Variants in L3MBTL1 observed in about 807,000 individuals in gnomAD.
L3MBTL1 encodes the protein lethal(3)malignant brain tumor-like protein 1.
L3MBTL1 carries 75 observed loss-of-function variants against 105.3 expected under a neutral mutation model. That is an observed-to-expected ratio of 0.71 (90% CI 0.59 to 0.86). The LOEUF (loss-of-function observed/expected upper bound fraction) is 0.86, where lower values mean the gene tolerates loss of function less well. L3MBTL1 is among the 40% of genes least tolerant of loss of function. L3MBTL1 has a pLI of 0.00. For missense variants in L3MBTL1, 1,069 were observed against 1,126.4 expected (o/e 0.95, Z 0.73); for synonymous variants, 452 against 436.2 (o/e 1.04, Z -0.45).
chr20:43,540,184 T>TC lies in L3MBTL1; in HGVS notation c.2208dup (p.Met737HisfsTer9). ...CCCGATGTCGTGCACCAGTCCCTCT[T>TC]CATGTCAGCCCTGTCGGCCCACCCT... On this transcript the variant is annotated frameshift_variant, in exon 20 of 22. Coordinates refer to ENST00000418998, the MANE Select transcript of L3MBTL1 (RefSeq NM_001377303.1). LOFTEE classifies it high-confidence loss of function. 1 of 1,613,312 alleles carries TC rather than the reference T, an allele frequency of 6.2e-7. No individual in the cohort carries two copies. The highest frequency in any genetic ancestry group is 8.5e-7 in the Non-Finnish European group (1 of 1,180,018).
At chr20:43,534,190 C>A in intron 14 of L3MBTL1, 94 bp from the exon 15 acceptor site, 1 of 1,514,746 alleles carries the variant, frequency 6.6e-7, no homozygotes. Flanking sequence ...TTGGGCAGGC[C>A]CCAGTTTCCC....
intron 1 of L3MBTL1, among the ~76,000 whole-genome samples, chr20:43,511,503 C>T (rs1402007834): frequency 3.3e-5 from 5 of 152,020 alleles, no homozygotes; most frequent in African/African-American, 7.2e-5. Flanking sequence ...TTGGTCAGGC[C>T]GGACTCGATG....
At chr20:43,514,817 C>T (rs78935921) in intron 4 of L3MBTL1, 41 bp downstream of exon 4, 49,983 of 1,506,070 alleles carry the variant, frequency 0.033, 981 homozygotes, top group African/African-American at 0.077. Flanking sequence ...GGGCCCTGTG[C>T]GGGTGGGGCG....
intron 7 of L3MBTL1, among the ~76,000 whole-genome samples, chr20:43,517,642 T>C (rs1181133736): frequency 6.6e-6 from 1 of 152,210 alleles, no homozygotes; most frequent in African/African-American, 2.4e-5. Context: ...TCTCAATCAG[T>C]GTTTGTTCAG....
In L3MBTL1 at chr20:43,515,256, C is replaced by T. The variant is rs560016568; in HGVS notation, c.654-36C>T. On this transcript the variant is annotated intron_variant, in intron 5 of 21. Coordinates refer to ENST00000418998, the MANE Select transcript of L3MBTL1 (RefSeq NM_001377303.1). ...AGGAGAGGGGCTGGGTGGTGCAGGG[C>T]GGGTGGTTCTTTCCCTAAGGCTGGC... 39 of 1,611,668 alleles carry T rather than the reference C, an allele frequency of 2.4e-5. No homozygotes were observed. The South Asian group carries it at 3.3e-4, about 14-fold the overall frequency.
chr20:43,539,970 T>A (rs1430969759), intron 19 of L3MBTL1, 181 bp from the exon 20 acceptor site: 10 of 685,374 alleles, frequency 1.5e-5, no homozygotes, highest in Non-Finnish European at 2.3e-5. Context: ...CCAGCAGGAG[T>A]GAACACTGTG....
chr20:43,513,674 G>A (rs1202240203), intron 2 of L3MBTL1, 35 bp downstream of exon 2: 2 of 1,550,402 alleles, frequency 1.3e-6, no homozygotes, highest in Non-Finnish European at 1.7e-6. Context: ...TGGGAAGGAA[G>A]AGCATCTCTG....
At chr20:43,532,731 C>T in intron 11 of L3MBTL1, 42 bp from the exon 12 acceptor site, 2 of 1,612,242 alleles carry the variant, frequency 1.2e-6, no homozygotes, top group African/African-American at 1.3e-5. Flanking sequence ...CTGGTCTTAG[C>T]CAGCTTGGCC....
At chr20:43,523,586 C>T (rs578146953) in intron 7 of L3MBTL1, 2 of 236,694 alleles carry the variant, frequency 8.4e-6, no homozygotes, top group East Asian at 1.0e-4. Flanking sequence ...TCTCTTCTCA[C>T]CCTGTCCTGT....
chr20:43,534,079 T>C lies in L3MBTL1; in HGVS notation c.1585T>C (p.Trp529Arg). 1 of 1,613,828 alleles carries C rather than the reference T, an allele frequency of 6.2e-7. No homozygotes were observed. ...EETGASAVPT[W>R]AFKVRPPHSF... is the part of the protein sequence containing the mutation. The stretch of plus-strand genomic sequence containing the variant: ...AACTGGGGCCTCTGCTGTCCCCACC[T>C]GGGCCTTCAAGGTGGTGAGTCAGTG... Residue 529 changes from tryptophan to arginine, a missense_variant, in exon 14 of 22, where the codon TGG (tryptophan) becomes CGG (arginine). Physicochemically the swap from Trp to Arg is moderately radical, Grantham distance 101 (BLOSUM62 -3). Coordinates refer to ENST00000418998, the MANE Select transcript of L3MBTL1 (RefSeq NM_001377303.1).
Position 43,532,838 on chromosome 20 carries a change from C to G in L3MBTL1, c.1350C>G (p.Ser450=), listed in dbSNP as rs1217781442. Residue 450 remains serine, a synonymous_variant, in exon 12 of 22, where the codon TCC becomes TCG. Transcript: ENST00000418998. ...KLEAVDRMNP[S]LVCVASVTDV... ...AGGCTGTTGACCGCATGAACCCGTC[C>G]CTTGTCTGCGTGGCCAGTGTGACCG... The G allele has an allele frequency of 1.2e-6, 2 of 1,614,096 alleles. No individual in the cohort carries two copies. Among genetic ancestry groups the G allele is most frequent in the African/African-American group, 1.3e-5 (1 of 74,932 alleles).
chr20:43,531,063 T>C, intron 11 of L3MBTL1, 174 bp downstream of exon 11: 1 of 601,358 alleles, frequency 1.7e-6, no homozygotes, highest in Non-Finnish European at 2.9e-6. Context: ...GGGCCAGAGA[T>C]GGGAAGCTGG....
At chr20:43,537,897 C>T (rs1018473026) in intron 19 of L3MBTL1, among the ~76,000 whole-genome samples, 1 of 152,162 alleles carries the variant, frequency 6.6e-6, no homozygotes, top group Non-Finnish European at 1.5e-5. Flanking sequence ...GCTGAGAGAT[C>T]TTGGGTGGGT....
At chr20:43,532,685 G>A in intron 11 of L3MBTL1, 88 bp from the exon 12 acceptor site, 2 of 1,411,602 alleles carry the variant, frequency 1.4e-6, no homozygotes, top group Non-Finnish European at 2.0e-6. Context: ...GGCTTTCCTA[G>A]AGAACCTATT....
rs575383113 is a variant in L3MBTL1 at position 43,514,922 on chromosome 20, G to A, written c.503-87G>A. ...CCATCCGATGCGGAGATGGACCGAG[G>A]CGGAGGCAGGGCCTGAGGGGGCGTG... On this transcript the variant is annotated intron_variant, in intron 4 of 21. Coordinates refer to ENST00000418998, the MANE Select transcript of L3MBTL1 (RefSeq NM_001377303.1). The A allele has an allele frequency of 3.1e-5, 47 of 1,520,824 alleles. No homozygotes were observed. The East Asian group carries it at 8.6e-4, about 28-fold the overall frequency. 94.2% of individuals were successfully genotyped at this position (1,520,824 alleles called of 1,614,324 possible).
intron 7 of L3MBTL1, among the ~76,000 whole-genome samples, chr20:43,519,408 G>A (rs946386294): frequency 7.2e-5 from 11 of 151,742 alleles, no homozygotes; most frequent in Admixed American, 3.9e-4. Flanking sequence ...AGGCCGAAGC[G>A]GGCAGATCAC....
rs375346108 is a variant in L3MBTL1 at position 43,528,623 on chromosome 20, C to G, written c.863-34C>G. 3.3e-5 allele frequency: 50 copies of G among 1,531,612 alleles called. No individual in the cohort carries two copies. The Admixed American group carries it at 6.3e-4, about 19-fold the overall frequency. 94.9% of individuals were successfully genotyped at this position (1,531,612 alleles called of 1,614,324 possible). ...GAAGAAAGTCATATATCAGGAACAG[C>G]CCAGGAGTTAGCCTGTCTGTCCCCT... On this transcript the variant is annotated intron_variant, in intron 7 of 21. Coordinates refer to ENST00000418998, the MANE Select transcript of L3MBTL1 (RefSeq NM_001377303.1).
intron 21 of L3MBTL1, 58 bp from the exon 22 acceptor site, chr20:43,540,876 A>G (rs1279579108): frequency 6.2e-7 from 1 of 1,612,586 alleles, no homozygotes; most frequent in Non-Finnish European, 8.5e-7. Context: ...GACGGCAGGA[A>G]GCAGGTGCCC....
intron 6 of L3MBTL1, 95 bp downstream of exon 6, chr20:43,515,510 C>T: frequency 6.8e-7 from 1 of 1,461,820 alleles, no homozygotes; most frequent in Non-Finnish European, 9.2e-7. Flanking sequence ...GGAGCTGGGC[C>T]AGAGAAGACA....
Sources: allele counts gnomAD v4.1 joint callset (sites outside exome capture counted in the v4.1 genomes callset), GRCh38; gene constraint gnomAD v4.1.1; transcripts MANE v1.5; gene names NCBI Gene and HGNC (gene_info 2026-07-23, HGNC 2026-07-21).